Variants in FSTL4 observed in about 807,000 individuals in gnomAD.
FSTL4 encodes the protein follistatin-related protein 4.
A neutral mutation model predicts 78.2 loss-of-function variants in FSTL4; 28 were observed. The ratio of observed to expected loss-of-function variants is 0.36; its 90% CI spans 0.27 to 0.49. FSTL4 has a LOEUF of 0.49. Ranked by LOEUF, FSTL4 falls within the 20% of genes least tolerant of loss-of-function variation. FSTL4 has a pLI of 0.98. For missense variants in FSTL4, 922 were observed against 1,084.9 expected, an observed-to-expected ratio of 0.85 and a Z score of 2.11; for synonymous variants, 422 against 440.5, an observed-to-expected ratio of 0.96 and a Z score of 0.53.
chr5:133,230,508 T>A (rs570068292), intron 8 of FSTL4, among the ~76,000 whole-genome samples: 1 of 152,194 alleles, frequency 6.6e-6, no homozygotes, highest in Non-Finnish European at 1.5e-5. Context: ...TGGGTCTCCA[T>A]TAGCAGGGGC....
At position 133,197,385 on chromosome 5, in the gene FSTL4, TAGC is replaced by T. The variant is rs1451927548; in HGVS notation, c.*1707_*1709del. The T allele has an allele frequency of 1.3e-5, 2 of 152,090 alleles. No individual in the cohort carries two copies. Among genetic ancestry groups the T allele is most frequent in the African/African-American group, 2.4e-5 (1 of 41,372 alleles). The allele number at this position is 152,090 out of a possible 1,614,324, so 9.4% of individuals were successfully genotyped here. A position where few individuals can be genotyped will look rare whatever the true frequency, so the allele number is the denominator to read the frequency against. On this transcript the variant is annotated 3_prime_UTR_variant, in exon 16 of 16. Coordinates refer to ENST00000265342, the MANE Select transcript of FSTL4 (RefSeq NM_015082.2). Reference sequence around the variant, plus strand: ...TGAGCTTCCTCAACTTATATCTACATAGCATATCTTTTAAAATAAAAAACAGAC... The same window carrying T: ...TGAGCTTCCTCAACTTATATCTACATATATCTTTTAAAATAAAAAACAGAC...
intron 13 of FSTL4, among the ~76,000 whole-genome samples, chr5:133,213,014 T>C (rs1381450016): frequency 2.7e-5 from 1 of 37,542 alleles, no homozygotes; most frequent in South Asian, 6.8e-4. Context: ...AAAGTAAAGA[T>C]TTTTTTTTTT....
At chr5:133,813,831 A>C in the FSTL4 span, among the ~76,000 whole-genome samples, 2 of 152,242 alleles carry the variant, frequency 1.3e-5, no homozygotes, top group Non-Finnish European at 2.9e-5. Context: ...AGACTATTAT[A>C]GTTTATTAAC....
chr5:133,454,724 T>C (rs1757450643), intron 3 of FSTL4, among the ~76,000 whole-genome samples: 1 of 152,192 alleles, frequency 6.6e-6, no homozygotes, highest in South Asian at 2.1e-4. Context: ...TCTGTTGACC[T>C]AGAATTTGTC....
At chr5:133,326,172 T>C (rs922540230) in intron 4 of FSTL4, among the ~76,000 whole-genome samples, 2 of 152,220 alleles carry the variant, frequency 1.3e-5, no homozygotes, top group African/African-American at 2.4e-5. Context: ...TGTAAATTCA[T>C]GAACATTAAC....
the FSTL4 span, among the ~76,000 whole-genome samples, chr5:133,691,455 C>G: frequency 5.3e-5 from 8 of 152,146 alleles, no homozygotes; most frequent in Admixed American, 1.3e-4. Flanking sequence ...AGAGGTGGCT[C>G]TGACCCACAT....
intron 13 of FSTL4, among the ~76,000 whole-genome samples, chr5:133,211,974 C>G (rs1448776788): frequency 1.3e-5 from 2 of 152,206 alleles, no homozygotes; most frequent in African/African-American, 4.8e-5. Flanking sequence ...TAATTACTCT[C>G]TTGCTTTAAT....
chr5:133,322,677 C>T (rs531002756), intron 4 of FSTL4, among the ~76,000 whole-genome samples: 6 of 152,296 alleles, frequency 3.9e-5, no homozygotes, highest in African/African-American at 1.4e-4. Context: ...ACTTCCATCC[C>T]TATTAGCTGA....
At chr5:133,267,948 G>A (rs541935654) in intron 6 of FSTL4, among the ~76,000 whole-genome samples, 1 of 152,302 alleles carries the variant, frequency 6.6e-6, no homozygotes, top group East Asian at 1.9e-4. Flanking sequence ...TCATTGAGGA[G>A]CTGTGTCTGC....
chr5:133,651,305 C>G, the FSTL4 span, among the ~76,000 whole-genome samples: 1 of 152,208 alleles, frequency 6.6e-6, no homozygotes, highest in East Asian at 1.9e-4. Context: ...ACATCCTTGC[C>G]TTGTTTATAA....
At chr5:133,672,834 GA>G in the FSTL4 span, among the ~76,000 whole-genome samples, 3 of 152,176 alleles carry the variant, frequency 2.0e-5, no homozygotes, top group Non-Finnish European at 2.9e-5. Context: ...AGTTAATTTA[GA>G]AAGTTTATTT....
At chr5:133,737,690 T>C in the FSTL4 span, among the ~76,000 whole-genome samples, 2 of 146,186 alleles carry the variant, frequency 1.4e-5, no homozygotes, top group Non-Finnish European at 3.0e-5. Flanking sequence ...CTACAACCTC[T>C]ACCTCCCAGG....
chr5:133,835,920 A>T, the FSTL4 span, among the ~76,000 whole-genome samples: 14 of 152,214 alleles, frequency 9.2e-5, no homozygotes, highest in Non-Finnish European at 1.0e-4. Flanking sequence ...TTTGTTATAG[A>T]TTCCTAGTAT....
the FSTL4 span, among the ~76,000 whole-genome samples, chr5:133,704,873 C>T: frequency 1.3e-5 from 2 of 152,184 alleles, no homozygotes; most frequent in African/African-American, 4.8e-5. Context: ...CTCTAAGATG[C>T]GACACCAACA....
chr5:133,570,825 G>C (rs1249549947), intron 2 of FSTL4, among the ~76,000 whole-genome samples: 1 of 152,162 alleles, frequency 6.6e-6, no homozygotes, highest in Non-Finnish European at 1.5e-5. Flanking sequence ...CATATTCACT[G>C]CCACATTTCC....
chr5:133,822,406 A>C, the FSTL4 span, among the ~76,000 whole-genome samples: 1 of 152,258 alleles, frequency 6.6e-6, no homozygotes, highest in East Asian at 1.9e-4. Context: ...GTTTCAGCTC[A>C]TTATTTGAAG....
intron 5 of FSTL4, among the ~76,000 whole-genome samples, chr5:133,315,450 G>A (rs1181685613): frequency 1.3e-5 from 2 of 152,228 alleles, no homozygotes; most frequent in African/African-American, 4.8e-5. Flanking sequence ...ATGGCTCAAT[G>A]AATGTTAGGG....
At chr5:133,513,529 G>A (rs1205493085) in intron 3 of FSTL4, among the ~76,000 whole-genome samples, 1 of 152,156 alleles carries the variant, frequency 6.6e-6, no homozygotes, top group African/African-American at 2.4e-5. Flanking sequence ...GCTGGAAGAG[G>A]AACTGCATGA....
At chr5:133,557,217 G>T (rs995081783) in intron 3 of FSTL4, among the ~76,000 whole-genome samples, 6 of 152,164 alleles carry the variant, frequency 3.9e-5, no homozygotes, top group African/African-American at 9.7e-5. Context: ...GTGACCTTGG[G>T]TCAACTGCTT....
Sources: gnomAD v4.1 joint callset for allele counts (sites outside exome capture counted in the v4.1 genomes callset) on GRCh38, gnomAD v4.1.1 for gene constraint, MANE v1.5 for transcripts, NCBI Gene and HGNC (gene_info 2026-07-23, HGNC 2026-07-21) for gene names.